JADE1: variants seen among roughly 807,000 people sequenced by gnomAD.
The protein encoded by JADE1 is protein Jade-1.
JADE1 carries 14 observed loss-of-function variants against 81.8 expected under a neutral mutation model. The observed-to-expected ratio is 0.17, with a 90% CI of 0.11 to 0.27. JADE1 has a LOEUF of 0.27. JADE1 is among the 10% of genes least tolerant of loss of function. The pLI is 1.00. For missense variants in JADE1, 690 were observed against 1,047.9 expected, an observed-to-expected ratio of 0.66 and a Z score of 4.71; for synonymous variants, 353 against 391.9, an observed-to-expected ratio of 0.90 and a Z score of 1.17.
rs1166229935 is a variant in JADE1 at position 128,846,592 on chromosome 4, C to T, written c.296+60C>T. 1.3e-6 allele frequency: 2 copies of T among 1,564,928 alleles called. No individual in the cohort carries two copies. The highest frequency in any genetic ancestry group is 1.7e-5 in the Admixed American group (1 of 57,210). The stretch of plus-strand genomic sequence containing the variant: ...CACCCTTGCTCTTCTTCCCTGACAG[C>T]AGGCATCTGAGAAGAGACAATTTCT... On this transcript the variant is annotated intron_variant, in intron 4 of 10. Transcript: ENST00000226319. The surrounding 1 kb of genome is among the most constrained non-coding windows in gnomAD (Gnocchi z 4.0).
chr4:128,820,211 A>G (rs943004468), intron 1 of JADE1, among the ~76,000 whole-genome samples: 2 of 151,880 alleles, frequency 1.3e-5, no homozygotes, highest in African/African-American at 4.8e-5. Context: ...TCCTGGGTTC[A>G]TGCAATTCTC....
chr4:128,835,449 C>T (rs542039078), intron 2 of JADE1, among the ~76,000 whole-genome samples: 1 of 152,282 alleles, frequency 6.6e-6, no homozygotes, highest in African/African-American at 2.4e-5. Flanking sequence ...GCCTCTGCCA[C>T]CAACTCACTC....
At chr4:128,827,957 C>T in intron 1 of JADE1, 2 of 898,174 alleles carry the variant, frequency 2.2e-6, no homozygotes, top group Non-Finnish European at 2.7e-6. Flanking sequence ...TGGCTACCTC[C>T]TCTTTGTTCT....
At chr4:128,824,198 C>G (rs1727835019) in intron 1 of JADE1, among the ~76,000 whole-genome samples, 1 of 152,058 alleles carries the variant, frequency 6.6e-6, no homozygotes, top group Non-Finnish European at 1.5e-5. Flanking sequence ...GCGGGCGGAT[C>G]ATGAGGTCAG....
rs867517017 is a variant in JADE1 at position 128,872,009 on chromosome 4, G to A, written c.2276G>A (p.Arg759Gln). 5.0e-6 allele frequency: 8 copies of A among 1,613,876 alleles called. No homozygotes were observed. Among genetic ancestry groups the A allele is most frequent in the Middle Eastern group, 1.6e-4 (1 of 6,062 alleles). ...TTCCGGATTCCAAAGAAGGGGGAAC[G>A]GCAGCAGCAGGGAGAGGCCCACGAT... is the stretch of plus-strand genomic sequence containing the variant. ...GGFRIPKKGE[R>Q]QQQGEAHDGA... The change falls in exon 11 of 11, where the codon CGG becomes CAG. Residue 759 changes from arginine (R) to glutamine (Q), a missense_variant. Around this residue, in one of 8 missense-constraint regions of JADE1, gnomAD observed 218 missense variants for 274.3 expected, o/e 0.79. Transcript: ENST00000226319.
chr4:128,811,387 C>G (rs1485619137), intron 1 of JADE1: 1 of 151,992 alleles, frequency 6.6e-6, no homozygotes, highest in South Asian at 2.1e-4. Flanking sequence ...GCCTCTCTCC[C>G]CTCCCACCGG....
chr4:128,848,182 T>A (rs1022494432), intron 4 of JADE1, among the ~76,000 whole-genome samples: 1 of 152,128 alleles, frequency 6.6e-6, no homozygotes, highest in Non-Finnish European at 1.5e-5. Flanking sequence ...CTTATTTCCT[T>A]TTTTTTGTTT....
chr4:128,823,640 G>A (rs1379049067), intron 1 of JADE1, among the ~76,000 whole-genome samples: 1 of 152,162 alleles, frequency 6.6e-6, no homozygotes, highest in Admixed American at 6.5e-5. Flanking sequence ...ACGTTATAAA[G>A]AGCACATTTT....
Position 128,864,537 on chromosome 4 carries a change from T to C in JADE1, c.1503+2312T>C, listed in dbSNP as rs1468075789. ...TGGTGAAGGCATTAAACAATTGAAA[T>C]CTTTGCCTTGCCCAGAGAGTTGCAG... On this transcript the variant is annotated intron_variant, in intron 9 of 10. Coordinates refer to ENST00000226319, the MANE Select transcript of JADE1 (RefSeq NM_199320.4). 2.2e-5 allele frequency: 22 copies of C among 985,284 alleles called. No individual in the cohort carries two copies. In the Admixed American group the frequency reaches 1.2e-3, roughly 55 times the overall value. The allele number at this position is 985,284 out of a possible 1,614,324, so 61.0% of individuals were successfully genotyped here.
chr4:128,831,904 CTT>C, intron 2 of JADE1, 94 bp downstream of exon 2: 2 of 1,120,288 alleles, frequency 1.8e-6, no homozygotes, highest in Non-Finnish European at 2.7e-6. Context: ...TGCTGAGGCC[CTT>C]TGCATGTCAG....
At chr4:128,855,566 A>C in intron 6 of JADE1, 64 bp from the exon 7 acceptor site, 1 of 1,446,666 alleles carries the variant, frequency 6.9e-7, no homozygotes, top group Admixed American at 2.2e-5. Flanking sequence ...ATGAATAGAT[A>C]TAATGGGAAA....
intron 1 of JADE1, among the ~76,000 whole-genome samples, chr4:128,819,961 T>G (rs1727407377): frequency 6.6e-6 from 1 of 152,236 alleles, no homozygotes; most frequent in Non-Finnish European, 1.5e-5. Flanking sequence ...GCACTAGATC[T>G]ACTTATGTGT....
chr4:128,831,716 G>T lies in JADE1; in HGVS notation c.-26-17G>T. The T allele has an allele frequency of 1.9e-6, 3 of 1,612,644 alleles. No individual in the cohort carries two copies. Among genetic ancestry groups the T allele is most frequent in the Non-Finnish European group, 1.7e-6 (2 of 1,178,666 alleles). ...GTATTATCATCTTGGGTTAAGTGCTGTCTCATTGCTTTGCAGGCTGCCTGC... is the reference window on the plus strand; with the variant it reads ...GTATTATCATCTTGGGTTAAGTGCTTTCTCATTGCTTTGCAGGCTGCCTGC... On this transcript the variant is annotated splice_polypyrimidine_tract_variant and intron_variant, in intron 1 of 10. Coordinates refer to ENST00000226319, the MANE Select transcript of JADE1 (RefSeq NM_199320.4).
At position 128,874,532 on chromosome 4, in the gene JADE1, A is replaced by G; in HGVS notation, c.*2270A>G. The G allele has an allele frequency of 6.6e-6, 1 of 152,542 alleles. No homozygotes were observed. 9.4% of individuals were successfully genotyped at this position (152,542 alleles called of 1,614,324 possible). A position where few individuals can be genotyped will look rare whatever the true frequency, so the allele number is the denominator to read the frequency against. On this transcript the variant is annotated 3_prime_UTR_variant, in exon 11 of 11. Coordinates refer to ENST00000226319, the MANE Select transcript of JADE1 (RefSeq NM_199320.4). ...TTAAAAAAAACCCACACAAAAACAA[A>G]ACACACAAAAATAAAAAGCCCACAC... is the stretch of plus-strand genomic sequence containing the variant.
intron 1 of JADE1, among the ~76,000 whole-genome samples, chr4:128,829,552 T>C (rs1436062208): frequency 1.3e-5 from 2 of 152,128 alleles, no homozygotes; most frequent in Non-Finnish European, 2.9e-5. Flanking sequence ...GGAAAAACTT[T>C]TCATCTACTT....
At chr4:128,862,375 A>G in intron 9 of JADE1, 150 bp downstream of exon 9, 1 of 1,448,352 alleles carries the variant, frequency 6.9e-7, no homozygotes. Flanking sequence ...AAAAATATTT[A>G]TGGGCTGGTA....
intron 1 of JADE1, among the ~76,000 whole-genome samples, chr4:128,830,715 A>C (rs1200028626): frequency 6.6e-6 from 1 of 152,194 alleles, no homozygotes; most frequent in African/African-American, 2.4e-5. Context: ...TGCCCTAAAG[A>C]TGTCAGGTTG....
intron 1 of JADE1, among the ~76,000 whole-genome samples, chr4:128,825,302 A>G (rs1478266594): frequency 6.6e-6 from 1 of 152,160 alleles, no homozygotes; most frequent in Non-Finnish European, 1.5e-5. Flanking sequence ...GGCCTCCCCA[A>G]GTGCCTGGAT....
At chr4:128,812,228 G>C (rs1417990145) in intron 1 of JADE1, among the ~76,000 whole-genome samples, 1 of 152,086 alleles carries the variant, frequency 6.6e-6, no homozygotes, top group African/African-American at 2.4e-5. Flanking sequence ...TCACTGCACC[G>C]GGGCTAATTC....
Sources: allele counts gnomAD v4.1 joint callset (sites outside exome capture counted in the v4.1 genomes callset), GRCh38; gene constraint gnomAD v4.1.1; regional missense constraint gnomAD v4.1.1; non-coding constraint Gnocchi (gnomAD v3.1); transcripts MANE v1.5; gene names NCBI Gene and HGNC (gene_info 2026-07-23, HGNC 2026-07-21).